The following SCLT1 variants were observed in gnomAD, a reference collection of about 807,000 sequenced individuals.
SCLT1 encodes the protein sodium channel-associated protein 1.
Under a neutral mutation model 112.8 loss-of-function variants are expected in SCLT1, and 78 were observed. That is an observed-to-expected ratio of 0.69 (90% confidence interval 0.58 to 0.83). The LOEUF is 0.83. SCLT1 is among the 40% of genes least tolerant of loss of function. The pLI is 0.00. For missense variants in SCLT1, 747 were observed against 770.4 expected (o/e 0.97, Z 0.36); for synonymous variants, 257 against 254.7 (o/e 1.01, Z -0.09).
chr4:129,014,976 G>A (rs1031839178), intron 5 of SCLT1, among the ~76,000 whole-genome samples: 1 of 152,094 alleles, frequency 6.6e-6, no homozygotes, highest in African/African-American at 2.4e-5. Context: ...GGCACTGGTA[G>A]GCACAGGTCT....
intron 2 of SCLT1, among the ~76,000 whole-genome samples, chr4:129,054,004 C>T (rs183217773): frequency 4.3e-4 from 66 of 152,156 alleles, no homozygotes; most frequent in South Asian, 8.3e-4. Flanking sequence ...ATTTCTCCTT[C>T]GCTTATGAAG....
At chr4:129,025,039 T>C (rs1332406769) in intron 5 of SCLT1, among the ~76,000 whole-genome samples, 1 of 152,086 alleles carries the variant, frequency 6.6e-6, no homozygotes, top group Non-Finnish European at 1.5e-5. Context: ...CCAAGAAATA[T>C]GGGACTATGT....
intron 5 of SCLT1, among the ~76,000 whole-genome samples, chr4:129,009,212 G>A (rs1164024170): frequency 6.6e-6 from 1 of 151,872 alleles, no homozygotes; most frequent in African/African-American, 2.4e-5. Context: ...TGGCACTTCT[G>A]TTTTGAGTTC....
chr4:128,998,353 C>T (rs1314963486), intron 7 of SCLT1, among the ~76,000 whole-genome samples: 1 of 151,810 alleles, frequency 6.6e-6, no homozygotes, highest in African/African-American at 2.4e-5. Context: ...TTACTGCCCA[C>T]CTTTTTTAAA....
chr4:129,060,299 C>T (rs1230314079), intron 2 of SCLT1, among the ~76,000 whole-genome samples: 2 of 152,186 alleles, frequency 1.3e-5, no homozygotes, highest in African/African-American at 4.8e-5. Flanking sequence ...AGTATCATTA[C>T]ATTGAATTAT....
At chr4:128,937,304 AAAG>A (rs1737289931) in intron 17 of SCLT1, among the ~76,000 whole-genome samples, 1 of 151,918 alleles carries the variant, frequency 6.6e-6, no homozygotes, top group African/African-American at 2.4e-5. Flanking sequence ...AAAAAAGAAA[AAAG>A]AAATTAAGTT....
chr4:128,994,673 C>T (rs545464545), intron 8 of SCLT1, among the ~76,000 whole-genome samples: 3 of 152,162 alleles, frequency 2.0e-5, no homozygotes, highest in South Asian at 2.1e-4. Context: ...CTCTTCAACA[C>T]GTGTTGTCTT....
rs151096004 is a variant in SCLT1 at position 129,078,642 on chromosome 4, T to C, written c.102+3664A>G. Among the ~76,000 whole-genome samples, 3 of 152,280 alleles carry C rather than the reference T, an allele frequency of 2.0e-5. No individual in the cohort carries two copies. The East Asian group carries it at 5.8e-4, about 29-fold the overall frequency. On this transcript the variant is annotated intron_variant, in intron 2 of 20. Transcript: ENST00000281142. ...AATCTGGTCTTTGGAAATAAAAGCA[T>C]AGAGCAGTCAGCTAAATATTGAATA...
chr4:129,007,714 A>C (rs1474988232), intron 5 of SCLT1, among the ~76,000 whole-genome samples: 1 of 152,190 alleles, frequency 6.6e-6, no homozygotes, highest in Non-Finnish European at 1.5e-5. Context: ...CATGTAGTAC[A>C]GCAAAATTTA....
At chr4:129,053,303 C>T (rs866424691) in intron 2 of SCLT1, among the ~76,000 whole-genome samples, 16 of 151,986 alleles carry the variant, frequency 1.1e-4, no homozygotes, top group Middle Eastern at 3.4e-3. Flanking sequence ...TCTGTCTTAT[C>T]GATCTGTCTA....
chr4:129,079,782 C>T (rs1488180347), intron 2 of SCLT1, among the ~76,000 whole-genome samples: 1 of 152,242 alleles, frequency 6.6e-6, no homozygotes, highest in Non-Finnish European at 1.5e-5. Context: ...TTTGCACTGC[C>T]CTAGCAGAGG....
At chr4:129,024,861 G>A (rs571271806) in intron 5 of SCLT1, among the ~76,000 whole-genome samples, 2 of 152,126 alleles carry the variant, frequency 1.3e-5, no homozygotes, top group African/African-American at 4.8e-5. Flanking sequence ...TAAAGGAGCT[G>A]ATGGAGCTGA....
At chr4:129,068,171 A>G (rs1750659799) in intron 2 of SCLT1, among the ~76,000 whole-genome samples, 1 of 152,186 alleles carries the variant, frequency 6.6e-6, no homozygotes, top group Non-Finnish European at 1.5e-5. Context: ...CCATTAATTC[A>G]TTCCTTTTCA....
intron 5 of SCLT1, among the ~76,000 whole-genome samples, chr4:129,035,396 T>C (rs543942853): frequency 6.6e-6 from 1 of 152,264 alleles, no homozygotes; most frequent in East Asian, 1.9e-4. Flanking sequence ...CTAGGTCACA[T>C]GTCCACTTCC....
intron 18 of SCLT1, among the ~76,000 whole-genome samples, chr4:128,904,426 A>G (rs1734542503): frequency 6.6e-6 from 1 of 152,186 alleles, no homozygotes; most frequent in Admixed American, 6.5e-5. Context: ...TTACATATGA[A>G]GCAATTTATG....
intron 6 of SCLT1, among the ~76,000 whole-genome samples, chr4:129,002,957 T>C (rs1743650749): frequency 6.6e-6 from 1 of 152,132 alleles, no homozygotes; most frequent in Non-Finnish European, 1.5e-5. Flanking sequence ...GGATTATAAA[T>C]CATTCTCCTA....
intron 18 of SCLT1, among the ~76,000 whole-genome samples, chr4:128,920,888 G>A (rs1052687862): frequency 6.6e-6 from 1 of 152,162 alleles, no homozygotes; most frequent in Non-Finnish European, 1.5e-5. Context: ...GTTTATGGAT[G>A]ATATAATTCT....
At chr4:129,055,456 G>A (rs1217986352) in intron 2 of SCLT1, among the ~76,000 whole-genome samples, 3 of 152,202 alleles carry the variant, frequency 2.0e-5, no homozygotes, top group Non-Finnish European at 2.9e-5. Context: ...TGGGGCTGCT[G>A]CCTTTCTTTC....
intron 5 of SCLT1, among the ~76,000 whole-genome samples, chr4:129,017,611 AT>A (rs759980742): frequency 5.9e-5 from 9 of 152,336 alleles, no homozygotes; most frequent in Non-Finnish European, 1.0e-4. Context: ...ATCTAAAAAA[AT>A]ATTATATGCA....
Sources: gnomAD v4.1 joint callset for allele counts (sites outside exome capture counted in the v4.1 genomes callset) on GRCh38, gnomAD v4.1.1 for gene constraint, MANE v1.5 for transcripts, NCBI Gene and HGNC (gene_info 2026-07-23, HGNC 2026-07-21) for gene names.